TNFSF4: variants seen among roughly 807,000 people sequenced by gnomAD.
The protein encoded by TNFSF4 is tumor necrosis factor ligand superfamily member 4.
TNFSF4 carries 4 observed loss-of-function variants against 7.3 expected under a neutral mutation model. That is an observed-to-expected ratio of 0.55 (90% CI 0.27 to 1.25). The LOEUF is 1.25. Among genes scored for constraint, TNFSF4 ranks in the 50% most tolerant of loss-of-function variants. The probability of loss-of-function intolerance (pLI) is 0.12; values close to 1 mark genes in which losing one functional copy is unlikely to be tolerated. For synonymous variants in TNFSF4, 76 were observed against 83.7 expected (o/e 0.91, Z 0.50); for missense variants, 181 against 208.8 (o/e 0.87, Z 0.82).
chr1:173,337,763 A>G, the TNFSF4 span, among the ~76,000 whole-genome samples: 4 of 152,208 alleles, frequency 2.6e-5, no homozygotes, highest in Admixed American at 6.5e-5. Flanking sequence ...GTTGTGGCCA[A>G]TGGTTTGGCT....
chr1:173,376,320 T>C, the TNFSF4 span, among the ~76,000 whole-genome samples: 1 of 152,290 alleles, frequency 6.6e-6, no homozygotes, highest in Non-Finnish European at 1.5e-5. Flanking sequence ...ACTATCATTC[T>C]CAGCAAAGTA....
At chr1:173,291,742 G>T in the TNFSF4 span, among the ~76,000 whole-genome samples, 2 of 151,790 alleles carry the variant, frequency 1.3e-5, no homozygotes, top group Admixed American at 1.3e-4. Context: ...AAGATTAAAA[G>T]ACTGAAATCT....
At chr1:173,426,044 G>A in the TNFSF4 span, among the ~76,000 whole-genome samples, 11 of 152,222 alleles carry the variant, frequency 7.2e-5, no homozygotes, top group Admixed American at 3.9e-4. Context: ...ACAGGAAAGT[G>A]AGTACCCAAT....
chr1:173,207,389 G>A, upstream of TNFSF4: 1 of 421,784 alleles, frequency 2.4e-6, no homozygotes, highest in Non-Finnish European at 4.2e-6. Flanking sequence ...GCAGGCGGGG[G>A]AACTTCTTTG....
At chr1:173,244,443 C>A in the TNFSF4 span, among the ~76,000 whole-genome samples, 1 of 151,724 alleles carries the variant, frequency 6.6e-6, no homozygotes, top group Non-Finnish European at 1.5e-5. Context: ...GAGATCGAGA[C>A]CATCCCGGCT....
chr1:173,346,365 A>G, the TNFSF4 span, among the ~76,000 whole-genome samples: 1 of 152,174 alleles, frequency 6.6e-6, no homozygotes, highest in Non-Finnish European at 1.5e-5. Context: ...CATAGCTGAA[A>G]AAAAATTTTA....
the TNFSF4 span, among the ~76,000 whole-genome samples, chr1:173,248,289 G>A: frequency 2.0e-5 from 3 of 151,688 alleles, no homozygotes; most frequent in East Asian, 1.9e-4. Context: ...CCTGGGAGGC[G>A]GAGGTTACAG....
the TNFSF4 span, among the ~76,000 whole-genome samples, chr1:173,413,371 T>C: frequency 3.1e-4 from 47 of 152,314 alleles, 1 homozygote; most frequent in East Asian, 9.1e-3. Context: ...TGTTATTCTT[T>C]TTGACCATCT....
chr1:173,178,863 T>C (rs1648998725), downstream of TNFSF4, among the ~76,000 whole-genome samples: 1 of 152,176 alleles, frequency 6.6e-6, no homozygotes, highest in South Asian at 2.1e-4. Context: ...TTCCTAAATG[T>C]AACCATTTTT....
chr1:173,344,499 C>T, the TNFSF4 span, among the ~76,000 whole-genome samples: 1 of 152,196 alleles, frequency 6.6e-6, no homozygotes, highest in Non-Finnish European at 1.5e-5. Flanking sequence ...ACAACTAACA[C>T]GGTACCTTAG....
chr1:173,248,717 T>C, the TNFSF4 span, among the ~76,000 whole-genome samples: 1 of 152,184 alleles, frequency 6.6e-6, no homozygotes, highest in Non-Finnish European at 1.5e-5. Context: ...TTGTAAGTCA[T>C]GTTACAAATT....
At chr1:173,399,902 G>T in the TNFSF4 span, among the ~76,000 whole-genome samples, 30 of 152,318 alleles carry the variant, frequency 2.0e-4, no homozygotes, top group South Asian at 5.0e-3. Flanking sequence ...CTCACATTGA[G>T]TTCCCATAAT....
the TNFSF4 span, among the ~76,000 whole-genome samples, chr1:173,421,414 C>G: frequency 6.6e-6 from 1 of 152,108 alleles, no homozygotes. Context: ...TGGTAAGCAG[C>G]ACTGTGGAGC....
chr1:173,261,544 G>A, the TNFSF4 span, among the ~76,000 whole-genome samples: 3 of 152,016 alleles, frequency 2.0e-5, no homozygotes, highest in African/African-American at 7.2e-5. Flanking sequence ...CCAGCAGCTG[G>A]TTTTTGGAAA....
At chr1:173,385,949 G>A in the TNFSF4 span, among the ~76,000 whole-genome samples, 1 of 152,206 alleles carries the variant, frequency 6.6e-6, no homozygotes, top group Non-Finnish European at 1.5e-5. Flanking sequence ...ATTAGGAAGA[G>A]AACACTAGGG....
At chr1:173,331,523 G>T in the TNFSF4 span, among the ~76,000 whole-genome samples, 1 of 152,136 alleles carries the variant, frequency 6.6e-6, no homozygotes, top group Admixed American at 6.5e-5. Flanking sequence ...CTAAATGAAA[G>T]TTCATCAAAA....
chr1:173,264,147 A>G, the TNFSF4 span, among the ~76,000 whole-genome samples: 1 of 152,018 alleles, frequency 6.6e-6, no homozygotes, highest in Admixed American at 6.6e-5. Flanking sequence ...TTTAAAAAAT[A>G]TTTTGAATTT....
the TNFSF4 span, among the ~76,000 whole-genome samples, chr1:173,438,530 T>TATA: frequency 6.6e-5 from 10 of 152,334 alleles, no homozygotes; most frequent in South Asian, 2.1e-3. Context: ...GCTTATTTTC[T>TATA]ATACTTCGAC....
the TNFSF4 span, among the ~76,000 whole-genome samples, chr1:173,233,112 AC>A: frequency 6.6e-6 from 1 of 152,208 alleles, no homozygotes; most frequent in East Asian, 1.9e-4. Context: ...TAACTGAATA[AC>A]CAGTGTAGAG....
Sources: gnomAD v4.1 joint callset for allele counts (sites outside exome capture counted in the v4.1 genomes callset) on GRCh38, gnomAD v4.1.1 for gene constraint, MANE v1.5 for transcripts, NCBI Gene and HGNC (gene_info 2026-07-23, HGNC 2026-07-21) for gene names.